Variants in SANBR observed in about 807,000 individuals in gnomAD.
SANBR encodes SANT and BTB domain regulator of class switch recombination.
Under a neutral mutation model 101.8 loss-of-function variants are expected in SANBR, and 77 were observed. That is an observed-to-expected ratio of 0.76 (90% confidence interval 0.63 to 0.91). The LOEUF is 0.91. Among genes scored for constraint, SANBR ranks in the 40% least tolerant of loss-of-function variants. The pLI, the probability that SANBR is intolerant of heterozygous loss-of-function variation, is 0.00. For missense variants in SANBR, 875 were observed against 853.0 expected (o/e 1.03, Z -0.32); for synonymous variants, 279 against 274.7 (o/e 1.02, Z -0.15).
At chr2:61,108,408 G>A in intron 15 of SANBR, 59 bp downstream of exon 15, 5 of 1,119,110 alleles carry the variant, frequency 4.5e-6, no homozygotes, top group Non-Finnish European at 6.5e-6. Flanking sequence ...TTAAAGTTTA[G>A]TTTAATAGAA....
At chr2:61,072,821 C>CTTTTTTT (rs70959893) in intron 4 of SANBR, among the ~76,000 whole-genome samples, 437 of 31,624 alleles carry the variant, frequency 0.014, 59 homozygotes, top group Middle Eastern at 0.11. Flanking sequence ...TCTCATGTTA[C>CTTTTTTT]TTTTTTTTTT....
At chr2:61,117,036 A>C in intron 17 of SANBR, 1 of 337,956 alleles carries the variant, frequency 3.0e-6, no homozygotes, top group Non-Finnish European at 5.5e-6. Flanking sequence ...CAGCCTGGGC[A>C]ACAGAGTGAG....
chr2:61,103,922 C>T lies in SANBR; in HGVS notation c.1435C>T (p.Pro479Ser), dbSNP rs550408433. 14 of 1,614,106 alleles carry T rather than the reference C, an allele frequency of 8.7e-6. No homozygotes were observed. In the South Asian group the frequency reaches 1.4e-4, roughly 16 times the overall value. Residue 479 changes from proline (P) to serine (S), a missense_variant, in exon 13 of 22, where the codon CCC (proline) becomes TCC (serine). Transcript: ENST00000402291. ...QGEGGDLPSC[P>S]TARMLDDLHK... is the part of the protein sequence containing the mutation. ...TGAAGGCGGAGATTTGCCGTCCTGT[C>T]CCACTGCTAGAATGTTGGACGATTT... is the stretch of plus-strand genomic sequence containing the variant.
rs528540020 is a variant in SANBR at position 61,118,011 on chromosome 2, T to C, written c.1940-17T>C. 5 of 1,591,268 alleles carry C rather than the reference T, an allele frequency of 3.1e-6. No homozygotes were observed. The highest frequency in any genetic ancestry group is 1.3e-5 in the African/African-American group (1 of 74,100). On this transcript the variant is annotated splice_polypyrimidine_tract_variant and intron_variant, in intron 19 of 21. Transcript: ENST00000402291. ...CATCCTTATGAAAAGTAAAGTTTACTGTTTTTTTCCCTTCAGATCAACGGC... is the reference window on the plus strand; with the variant it reads ...CATCCTTATGAAAAGTAAAGTTTACCGTTTTTTTCCCTTCAGATCAACGGC...
chr2:61,068,463 C>T (rs1278276055), intron 1 of SANBR, among the ~76,000 whole-genome samples: 1 of 152,110 alleles, frequency 6.6e-6, no homozygotes, highest in African/African-American at 2.4e-5. Flanking sequence ...TTATGAGCAC[C>T]TTTTGTATGC....
chr2:61,099,068 A>G (rs1473407661), intron 12 of SANBR, among the ~76,000 whole-genome samples: 1 of 152,248 alleles, frequency 6.6e-6, no homozygotes, highest in African/African-American at 2.4e-5. Context: ...TAGTCAGAAC[A>G]GCAAGGTCAG....
At chr2:61,071,475 G>A (rs897494689) in intron 3 of SANBR, 131 bp from the exon 4 acceptor site, 76 of 447,204 alleles carry the variant, frequency 1.7e-4, no homozygotes, top group African/African-American at 1.4e-3. Flanking sequence ...GCTTGAACCC[G>A]GGAGGCGGAG....
intron 12 of SANBR, 105 bp from the exon 13 acceptor site, chr2:61,103,748 A>C: frequency 2.0e-6 from 2 of 1,011,132 alleles, no homozygotes; most frequent in Non-Finnish European, 2.9e-6. Flanking sequence ...AAGTTATAAA[A>C]TATGTATATG....
chr2:61,106,588 G>T lies in SANBR; in HGVS notation c.1537G>T (p.Glu513Ter). 6.2e-7 allele frequency: 1 copy of T among 1,602,098 alleles called. No individual in the cohort carries two copies. The highest frequency in any genetic ancestry group is 8.5e-7 in the Non-Finnish European group (1 of 1,176,434). Residue 513 changes from glutamate (E) to a stop codon, truncating the protein, a stop_gained, in exon 14 of 22, where the codon GAA becomes TAA. Coordinates refer to ENST00000402291, the MANE Select transcript of SANBR (RefSeq NM_001129993.3). LOFTEE classifies it high-confidence loss of function. The stretch of plus-strand genomic sequence containing the variant: ...TGATGTTGGGGTTGGCCTCTGTGAT[G>T]AAAAGGGTATAGAATGTGATGTTTT... Reference protein sequence around the residue: ...VSDVGVGLCDEKGIECDVLLE... With the variant: ...VSDVGVGLCD
chr2:61,105,550 T>G (rs1683515404), intron 13 of SANBR, among the ~76,000 whole-genome samples: 1 of 151,580 alleles, frequency 6.6e-6, no homozygotes, highest in Non-Finnish European at 1.5e-5. Flanking sequence ...GTATTTTTAG[T>G]AGAGACAGGG....
In SANBR at chr2:61,123,176, AT is replaced by A; in HGVS notation, c.*1015del. 4.1e-6 allele frequency: 4 copies of A among 981,534 alleles called. No homozygotes were observed. The highest frequency in any genetic ancestry group is 4.8e-6 in the Non-Finnish European group (4 of 826,236). The allele number at this position is 981,534 out of a possible 1,614,324, so 60.8% of individuals were successfully genotyped here. On this transcript the variant is annotated 3_prime_UTR_variant, in exon 22 of 22. Transcript: ENST00000402291. Reference sequence around the variant, plus strand: ...AAAATTTGTTCCAAACTATAACCATATAATAAATTATGTGTTTGTAAATTAT... The same window carrying A: ...AAAATTTGTTCCAAACTATAACCATAAATAAATTATGTGTTTGTAAATTAT...
intron 12 of SANBR, 115 bp downstream of exon 12, chr2:61,097,967 A>C: frequency 1.4e-6 from 1 of 736,060 alleles, no homozygotes; most frequent in Admixed American, 2.7e-5. Flanking sequence ...GTTCCTCTTT[A>C]TAACACTCCC....
intron 16 of SANBR, among the ~76,000 whole-genome samples, chr2:61,111,314 A>G (rs940269391): frequency 6.6e-6 from 1 of 152,154 alleles, no homozygotes; most frequent in Non-Finnish European, 1.5e-5. Context: ...AATGGTGTGA[A>G]CCTGGGAGGC....
Position 61,092,685 on chromosome 2 carries a change from C to A in SANBR, c.1212+98C>A, listed in dbSNP as rs79840818. The A allele has an allele frequency of 8.6e-4, 847 of 982,258 alleles. 5 individuals are homozygous for A. The African/African-American group carries it at 9.8e-3, about 11-fold the overall frequency. 60.8% of individuals were successfully genotyped at this position (982,258 alleles called of 1,614,324 possible). On this transcript the variant is annotated intron_variant, in intron 11 of 21. Coordinates refer to ENST00000402291, the MANE Select transcript of SANBR (RefSeq NM_001129993.3). ...ATTGATATGTTTAAATGTGTTTTGA[C>A]AATATCCAACATCTTTTTAAAGAAA...
At chr2:61,089,328 T>C in intron 10 of SANBR, 1 of 240,024 alleles carries the variant, frequency 4.2e-6, no homozygotes, top group Non-Finnish European at 6.7e-6. Flanking sequence ...CTGACCAACA[T>C]GGTGAGACCC....
chr2:61,084,312 G>T (rs1026460300), intron 8 of SANBR, among the ~76,000 whole-genome samples: 1 of 152,126 alleles, frequency 6.6e-6, no homozygotes, highest in African/African-American at 2.4e-5. Flanking sequence ...AATGAAGTAA[G>T]TAAAGTGAAG....
chr2:61,088,436 T>C lies in SANBR; in HGVS notation c.1056T>C (p.Asp352=). ...IPCIPGKINV[D]RRGNIVYIHI... ...GCATTCCTGGAAAAATCAATGTGGATCGACGTGGAAATATTGTCTATATTC... is the reference window on the plus strand; with the variant it reads ...GCATTCCTGGAAAAATCAATGTGGACCGACGTGGAAATATTGTCTATATTC... Residue 352 remains aspartate, a synonymous_variant, in exon 10 of 22, where the codon GAT becomes GAC. Transcript: ENST00000402291. The C allele has an allele frequency of 6.2e-7, 1 of 1,609,256 alleles. No individual in the cohort carries two copies. The highest frequency in any genetic ancestry group is 8.5e-7 in the Non-Finnish European group (1 of 1,177,876).
chr2:61,119,588 T>G (rs1684239683), intron 20 of SANBR, among the ~76,000 whole-genome samples: 1 of 151,898 alleles, frequency 6.6e-6, no homozygotes, highest in South Asian at 2.1e-4. Context: ...AAAAAAAGGA[T>G]TTCCATGCCA....
Position 61,122,423 on chromosome 2 carries a change from G to A in SANBR, c.*261G>A, listed in dbSNP as rs1684369867. ...AAGCAATTATTTACAAATTTGCATAGTTGAGACTCCCAGTGTTTTCCTTTA... is the reference window on the plus strand; with the variant it reads ...AAGCAATTATTTACAAATTTGCATAATTGAGACTCCCAGTGTTTTCCTTTA... On this transcript the variant is annotated 3_prime_UTR_variant, in exon 22 of 22. Transcript: ENST00000402291. 8.4e-7 allele frequency: 1 copy of A among 1,183,490 alleles called. No homozygotes were observed. Among genetic ancestry groups the A allele is most frequent in the African/African-American group, 1.6e-5 (1 of 63,256 alleles). The allele number at this position is 1,183,490 out of a possible 1,614,324, so 73.3% of individuals were successfully genotyped here.
Sources: allele counts gnomAD v4.1 joint callset (sites outside exome capture counted in the v4.1 genomes callset), GRCh38; gene constraint gnomAD v4.1.1; transcripts MANE v1.5; gene names NCBI Gene and HGNC (gene_info 2026-07-23, HGNC 2026-07-21).